The following PTPRD variants were observed in gnomAD, a reference collection of about 807,000 sequenced individuals.
PTPRD encodes receptor-type tyrosine-protein phosphatase delta.
A neutral mutation model predicts 214.5 loss-of-function variants in PTPRD; 34 were observed. That is an observed-to-expected ratio of 0.16 (90% CI 0.12 to 0.21). The LOEUF is 0.21. PTPRD is among the 10% of genes least tolerant of loss of function. The pLI, the probability that PTPRD is intolerant of heterozygous loss-of-function variation, is 1.00. For missense variants in PTPRD, 2,545 were observed against 2,398.7 expected, an observed-to-expected ratio of 1.06 and a Z score of -1.27; for synonymous variants, 1,128 against 845.7, an observed-to-expected ratio of 1.33 and a Z score of -5.79.
chr9:9,387,578 A>G lies in PTPRD; in HGVS notation c.-203+9871T>C, dbSNP rs570725308. ...TCCTCTGCTTTTATTAATACTTTCT[A>G]GAAATATCACATATCTTCTTTAAAT... On this transcript the variant is annotated intron_variant, in intron 9 of 45. Coordinates refer to ENST00000381196, the MANE Select transcript of PTPRD (RefSeq NM_002839.4). Among the ~76,000 whole-genome samples the G allele has an allele frequency of 3.9e-5, 6 of 152,288 alleles. No homozygotes were observed. In the East Asian group the frequency reaches 1.2e-3, roughly 29 times the overall value.
At chr9:9,881,431 C>A (rs74809515) in intron 5 of PTPRD, among the ~76,000 whole-genome samples, 4 of 152,130 alleles carry the variant, frequency 2.6e-5, no homozygotes, top group Non-Finnish European at 5.9e-5. Flanking sequence ...GCTTCGTAGT[C>A]TGACTTGGGT....
chr9:9,264,471 T>C (rs1160531277), intron 9 of PTPRD, among the ~76,000 whole-genome samples: 1 of 151,504 alleles, frequency 6.6e-6, no homozygotes, highest in Non-Finnish European at 1.5e-5. Context: ...TTTGAAAATA[T>C]TCAGTAAGAG....
chr9:9,066,476 T>TA (rs1169259609), intron 10 of PTPRD, among the ~76,000 whole-genome samples: 1 of 152,084 alleles, frequency 6.6e-6, no homozygotes, highest in African/African-American at 2.4e-5. Context: ...TTTAGTAGGC[T>TA]AAAAAAATGG....
intron 8 of PTPRD, among the ~76,000 whole-genome samples, chr9:9,398,085 C>A (rs2068604911): frequency 6.6e-6 from 1 of 151,654 alleles, no homozygotes; most frequent in Non-Finnish European, 1.5e-5. Context: ...CATAAGCCCA[C>A]CTTCCCTTCC....
chr9:8,435,998 C>A (rs1046211973), intron 35 of PTPRD, among the ~76,000 whole-genome samples: 77 of 152,196 alleles, frequency 5.1e-4, no homozygotes, highest in African/African-American at 1.7e-3. Context: ...TCTTCGTAAT[C>A]TTTCTTTCTA....
rs115031874 is a variant in PTPRD at position 8,561,351 on chromosome 9, G to A, written c.353-32572C>T. Among the ~76,000 whole-genome samples, 1,185 of 152,090 alleles carry A rather than the reference G, an allele frequency of 7.8e-3. 12 individuals carry two copies. Among genetic ancestry groups the A allele is most frequent in the African/African-American group, 0.027 (1,099 of 41,464 alleles). On this transcript the variant is annotated intron_variant, in intron 14 of 45. Transcript: ENST00000381196. ...GGGTGAGGAATCCTCCCACCCCACC[G>A]CTGCCCCTGACTGTGAGCTGTTCCA...
At chr9:9,792,141 C>CT (rs1555088727) in intron 5 of PTPRD, among the ~76,000 whole-genome samples, 20 of 151,146 alleles carry the variant, frequency 1.3e-4, no homozygotes, top group East Asian at 5.8e-4. Flanking sequence ...TCACATTACT[C>CT]TTTATTTTTT....
intron 5 of PTPRD, among the ~76,000 whole-genome samples, chr9:9,784,371 T>C (rs896501682): frequency 2.0e-5 from 3 of 152,110 alleles, no homozygotes; most frequent in African/African-American, 2.4e-5. Context: ...CCTTGCAAGC[T>C]TTTTATGGCT....
chr9:10,151,147 G>T (rs371076112), intron 3 of PTPRD, among the ~76,000 whole-genome samples: 1 of 138,732 alleles, frequency 7.2e-6, no homozygotes, highest in East Asian at 2.1e-4. Flanking sequence ...TGTAACATTT[G>T]CCTCTGGAGT....
intron 11 of PTPRD, among the ~76,000 whole-genome samples, chr9:9,009,810 T>C (rs76706862): frequency 0.021 from 3,154 of 151,982 alleles, 112 homozygotes; most frequent in African/African-American, 0.072. Flanking sequence ...TAAGGACAGA[T>C]TGCAAAAATA....
At chr9:10,289,149 A>G (rs1303187935) in intron 3 of PTPRD, among the ~76,000 whole-genome samples, 1 of 152,136 alleles carries the variant, frequency 6.6e-6, no homozygotes, top group African/African-American at 2.4e-5. Flanking sequence ...ATAAAGTTGA[A>G]AGGCTCTAGA....
chr9:9,710,604 G>GT lies in PTPRD; in HGVS notation c.-287+23928dup, dbSNP rs141919133. 2.5e-3 allele frequency among the ~76,000 whole-genome samples: 371 copies of GT among 147,238 alleles called. 1 individual carries two copies. The highest frequency in any genetic ancestry group is 9.7e-3 in the East Asian group (49 of 5,046). On this transcript the variant is annotated intron_variant, in intron 7 of 45. Transcript: ENST00000381196. ...GCAAAGATTTAATATCATCTATTCT[G>GT]TTTTTTTTTTAATTTAGGAGATTCA...
chr9:10,047,312 C>CTGTG (rs56257525), intron 3 of PTPRD, among the ~76,000 whole-genome samples: 4,056 of 138,630 alleles, frequency 0.029, 80 homozygotes, highest in African/African-American at 0.046. Context: ...AATCAACTAA[C>CTGTG]TGTGTGTGTG....
At chr9:10,254,859 A>T (rs2093116546) in intron 3 of PTPRD, among the ~76,000 whole-genome samples, 1 of 152,162 alleles carries the variant, frequency 6.6e-6, no homozygotes, top group Admixed American at 6.6e-5. Flanking sequence ...CATGATAAGC[A>T]GCAATAATTG....
intron 11 of PTPRD, among the ~76,000 whole-genome samples, chr9:8,899,170 A>C (rs78832641): frequency 3.9e-5 from 6 of 152,192 alleles, no homozygotes; most frequent in Admixed American, 6.6e-5. Context: ...GGGCTTATAA[A>C]GCCATCTTGC....
At chr9:10,505,859 A>G (rs916518155) in intron 2 of PTPRD, among the ~76,000 whole-genome samples, 1 of 99,232 alleles carries the variant, frequency 1.0e-5, no homozygotes, top group Admixed American at 1.3e-4. Flanking sequence ...ACTTTAACTT[A>G]AATTTTAAGC....
At chr9:9,955,359 T>C (rs1433026936) in intron 4 of PTPRD, among the ~76,000 whole-genome samples, 6 of 152,178 alleles carry the variant, frequency 3.9e-5, no homozygotes, top group Admixed American at 3.9e-4. Context: ...TATTCTTAAA[T>C]AAATTTTTAC....
At position 10,329,929 on chromosome 9, in the gene PTPRD, TTTC is replaced by T. The variant is rs1255762176; in HGVS notation, c.-545+11031_-545+11033del. ...CTACTGAAGATTCACATTTTCTACA[TTTC>T]TTTATATTTTAAATAATACAGAAAA... On this transcript the variant is annotated intron_variant, in intron 3 of 45. Transcript: ENST00000381196. Among the ~76,000 whole-genome samples, 4 of 151,854 alleles carry T rather than the reference TTTC, an allele frequency of 2.6e-5. No homozygotes were observed. The East Asian group carries it at 7.8e-4, about 30-fold the overall frequency.
intron 33 of PTPRD, among the ~76,000 whole-genome samples, chr9:8,453,177 T>C (rs1449502604): frequency 6.6e-6 from 1 of 152,186 alleles, no homozygotes; most frequent in African/African-American, 2.4e-5. Flanking sequence ...AGTGTTATGA[T>C]GAAAGGTACG....
Sources: gnomAD v4.1 joint callset for allele counts (sites outside exome capture counted in the v4.1 genomes callset) on GRCh38, gnomAD v4.1.1 for gene constraint, MANE v1.5 for transcripts, NCBI Gene and HGNC (gene_info 2026-07-23, HGNC 2026-07-21) for gene names.